Variants in KLF8 observed in about 807,000 individuals in gnomAD.
KLF8 encodes the protein Krueppel-like factor 8.
A neutral mutation model predicts 18.2 loss-of-function variants in KLF8; 10 were observed. That is an observed-to-expected ratio of 0.55 (90% confidence interval 0.34 to 0.93). The LOEUF (loss-of-function observed/expected upper bound fraction) is 0.93. Ranked by LOEUF, KLF8 falls within the 40% of genes least tolerant of loss-of-function variation. KLF8 has a pLI of 0.02. For synonymous variants in KLF8, 109 were observed against 97.3 expected, an observed-to-expected ratio of 1.12 and a Z score of -0.71; for missense variants, 264 against 277.9, an observed-to-expected ratio of 0.95 and a Z score of 0.36.
intron 2 of KLF8, 47 bp downstream of exon 2, chrX:56,250,351 T>C (rs2066689924): frequency 7.9e-6 from 7 of 886,391 alleles, no homozygotes; most frequent in Non-Finnish European, 1.2e-5. Flanking sequence ...CATAATAGTA[T>C]TGAATACCTG....
intron 2 of KLF8, among the ~76,000 whole-genome samples, chrX:56,252,216 G>A (rs752991786): frequency 7.2e-5 from 8 of 111,229 alleles, no homozygotes; most frequent in Admixed American, 1.9e-4. Flanking sequence ...GTTTCACCAT[G>A]TTGGCCAGGC....
At chrX:56,145,977 G>A in the KLF8 span, among the ~76,000 whole-genome samples, 1 of 112,250 alleles carries the variant, frequency 8.9e-6, no homozygotes, top group African/African-American at 3.2e-5. Flanking sequence ...ATCATCACTG[G>A]TTATTAGAGA....
At chrX:56,021,633 A>C in the KLF8 span, among the ~76,000 whole-genome samples, 1 of 107,305 alleles carries the variant, frequency 9.3e-6, no homozygotes, top group African/African-American at 3.4e-5. Flanking sequence ...TTCCCATTGA[A>C]TTTTTTTGAA....
the KLF8 span, among the ~76,000 whole-genome samples, chrX:56,082,130 C>T: frequency 1.3e-4 from 14 of 111,691 alleles, no homozygotes; most frequent in Non-Finnish European, 2.4e-4. Flanking sequence ...AAGCTCCTTA[C>T]TGGTTATAGA....
At chrX:55,984,831 G>A in the KLF8 span, among the ~76,000 whole-genome samples, 6 of 110,927 alleles carry the variant, frequency 5.4e-5, no homozygotes, top group African/African-American at 2.0e-4. Flanking sequence ...TTGTGAGATG[G>A]TATCTCACTG....
the KLF8 span, among the ~76,000 whole-genome samples, chrX:56,093,936 TG>T: frequency 1.9e-5 from 2 of 104,854 alleles, no homozygotes; most frequent in Non-Finnish European, 3.9e-5. Flanking sequence ...TGTGTGTGTG[TG>T]TGTGTGTGTG....
chrX:56,109,885 C>A, the KLF8 span, among the ~76,000 whole-genome samples: 7 of 110,885 alleles, frequency 6.3e-5, no homozygotes. Context: ...TGCAACCCAT[C>A]ACCTATTAAG....
Position 56,270,078 on chromosome X carries a change from G to A in KLF8, c.759-104G>A, listed in dbSNP as rs149834786. The A allele has an allele frequency of 9.4e-4, 772 of 818,135 alleles. 5 individuals are homozygous for A. In the African/African-American group the frequency reaches 0.013, roughly 14 times the overall value. The allele number at this position is 818,135 out of a possible 1,213,427, so 67.4% of individuals were successfully genotyped here. A position where few individuals can be genotyped will look rare whatever the true frequency, so the allele number is the denominator to read the frequency against. ...TGGGGGGACCTAGCATTAAATTCACGTAAATTAAAAGCCGATATGATGTGG... is the reference window on the plus strand; with the variant it reads ...TGGGGGGACCTAGCATTAAATTCACATAAATTAAAAGCCGATATGATGTGG... On this transcript the variant is annotated intron_variant, in intron 4 of 5. Transcript: ENST00000468660.
the KLF8 span, among the ~76,000 whole-genome samples, chrX:56,134,454 C>T: frequency 2.7e-5 from 3 of 111,682 alleles, no homozygotes; most frequent in Admixed American, 2.9e-4. Flanking sequence ...AGATAATTGG[C>T]AAGCCACATC....
chrX:56,173,615 G>GT, the KLF8 span, among the ~76,000 whole-genome samples: 1 of 111,956 alleles, frequency 8.9e-6, no homozygotes, highest in Non-Finnish European at 1.9e-5. Context: ...CTTTAAAGTA[G>GT]TTTTTTCCAA....
chrX:56,009,286 C>T, the KLF8 span, among the ~76,000 whole-genome samples: 1 of 111,426 alleles, frequency 9.0e-6, no homozygotes, highest in Non-Finnish European at 1.9e-5. Flanking sequence ...GATGACACCT[C>T]CAGGTGTGGG....
the KLF8 span, among the ~76,000 whole-genome samples, chrX:56,188,877 G>T: frequency 8.9e-6 from 1 of 111,906 alleles, no homozygotes; most frequent in Non-Finnish European, 1.9e-5. Context: ...ATTCAAGATG[G>T]ATGAAAGACT....
the KLF8 span, among the ~76,000 whole-genome samples, chrX:56,214,442 T>C: frequency 8.9e-6 from 1 of 112,315 alleles, no homozygotes; most frequent in Non-Finnish European, 1.9e-5. Context: ...CAAATTCATA[T>C]GATAAAGTCC....
At chrX:56,010,981 G>T in the KLF8 span, among the ~76,000 whole-genome samples, 1 of 112,140 alleles carries the variant, frequency 8.9e-6, no homozygotes, top group African/African-American at 3.2e-5. Context: ...GAAATTCTTG[G>T]AGACCTATAA....
chrX:56,213,314 C>CTTTTTTTTT, the KLF8 span, among the ~76,000 whole-genome samples: 8 of 12,020 alleles, frequency 6.7e-4, no homozygotes, highest in East Asian at 2.5e-3. Context: ...CTTTTCTTTT[C>CTTTTTTTTT]TTTTTTTTTT....
chrX:55,918,063 C>G, the KLF8 span, among the ~76,000 whole-genome samples: 1 of 111,799 alleles, frequency 8.9e-6, no homozygotes, highest in Non-Finnish European at 1.9e-5. Flanking sequence ...TTTAGTAATT[C>G]AACTTCTCAC....
the KLF8 span, among the ~76,000 whole-genome samples, chrX:56,005,662 T>C: frequency 1.8e-5 from 2 of 112,339 alleles, no homozygotes; most frequent in East Asian, 5.6e-4. Context: ...GTTCACGGAG[T>C]GTGCTCACAC....
chrX:56,082,864 C>T, the KLF8 span, among the ~76,000 whole-genome samples: 1 of 111,661 alleles, frequency 9.0e-6, no homozygotes, highest in South Asian at 3.7e-4. Flanking sequence ...ATTTTGCTGT[C>T]TTCTCGCCTC....
At chrX:55,962,269 C>T in the KLF8 span, 1 of 184,719 alleles carries the variant, frequency 5.4e-6, no homozygotes. Context: ...AGCTGGTCTC[C>T]AACCTAAAGA....
Sources: allele counts gnomAD v4.1 joint callset (sites outside exome capture counted in the v4.1 genomes callset), GRCh38; gene constraint gnomAD v4.1.1; transcripts MANE v1.5; gene names NCBI Gene and HGNC (gene_info 2026-07-23, HGNC 2026-07-21).